Variants in PCCA observed in about 807,000 individuals in gnomAD.
PCCA encodes propionyl-CoA carboxylase alpha chain, mitochondrial.
PCCA carries 74 observed loss-of-function variants against 101.3 expected under a neutral mutation model. That is an observed-to-expected ratio of 0.73 (90% confidence interval 0.61 to 0.89). The LOEUF (loss-of-function observed/expected upper bound fraction) is 0.89. PCCA is among the 40% of genes least tolerant of loss of function. The pLI is 0.00. For synonymous variants in PCCA, 294 were observed against 313.6 expected, an observed-to-expected ratio of 0.94 and a Z score of 0.66; for missense variants, 891 against 907.0, an observed-to-expected ratio of 0.98 and a Z score of 0.23.
intron 21 of PCCA, among the ~76,000 whole-genome samples, chr13:100,501,201 T>C (rs865665): frequency 0.98 from 149,053 of 152,340 alleles, 72,969 homozygotes; most frequent in East Asian, 1. Context: ...ACAAGAGTCA[T>C]ACATACTTTT....
chr13:100,405,051 A>G (rs976391532), intron 19 of PCCA, among the ~76,000 whole-genome samples: 4 of 152,184 alleles, frequency 2.6e-5, no homozygotes. Flanking sequence ...GTGGAATACT[A>G]AGGTGAAACT....
intron 18 of PCCA, among the ~76,000 whole-genome samples, chr13:100,344,831 A>C (rs190412690): frequency 3.9e-5 from 6 of 152,288 alleles, no homozygotes; most frequent in African/African-American, 1.4e-4. Flanking sequence ...TTCCAACAGC[A>C]TGTGTTCACT....
At chr13:100,425,867 TTTTTC>T (rs2079107997) in intron 20 of PCCA, 136 bp downstream of exon 20, 5 of 677,320 alleles carry the variant, frequency 7.4e-6, no homozygotes, top group Non-Finnish European at 1.3e-5. Flanking sequence ...AGTCGAAAAC[TTTTTC>T]TTTTCTTATT....
At chr13:100,137,050 ATT>A (rs969634133) in intron 4 of PCCA, among the ~76,000 whole-genome samples, 1 of 150,506 alleles carries the variant, frequency 6.6e-6, no homozygotes, top group Non-Finnish European at 1.5e-5. Context: ...TGCATCTAAT[ATT>A]TTTTTTTATA....
chr13:100,482,318 G>A (rs1214901953), intron 21 of PCCA, among the ~76,000 whole-genome samples: 1 of 152,196 alleles, frequency 6.6e-6, no homozygotes, highest in African/African-American at 2.4e-5. Context: ...TTGTTGATTG[G>A]AATGACTCAG....
chr13:100,500,729 A>G (rs7324491), intron 21 of PCCA, among the ~76,000 whole-genome samples: 6,716 of 152,306 alleles, frequency 0.044, 494 homozygotes, highest in African/African-American at 0.15. Flanking sequence ...GATCCAATTT[A>G]GGGACAGCAA....
intron 6 of PCCA, among the ~76,000 whole-genome samples, chr13:100,193,965 G>A (rs1466286047): frequency 6.6e-6 from 1 of 152,072 alleles, no homozygotes; most frequent in East Asian, 1.9e-4. Flanking sequence ...CAGCTACTCG[G>A]GAGGCTGAGG....
At chr13:100,444,652 A>T (rs981732883) in intron 20 of PCCA, among the ~76,000 whole-genome samples, 2 of 151,970 alleles carry the variant, frequency 1.3e-5, no homozygotes, top group South Asian at 4.1e-4. Flanking sequence ...CATGTTAGCC[A>T]GGATGGTCTC....
chr13:100,116,774 G>A (rs1411557438), intron 4 of PCCA, among the ~76,000 whole-genome samples: 1 of 152,156 alleles, frequency 6.6e-6, no homozygotes, highest in Non-Finnish European at 1.5e-5. Flanking sequence ...TTGTTTGAAA[G>A]TAAATACATT....
chr13:100,458,448 C>T lies in PCCA; in HGVS notation c.1899+9143C>T, dbSNP rs1299184348. On this transcript the variant is annotated intron_variant, in intron 21 of 23. Transcript: ENST00000376285. ...GCACACACACACACACATACACACA[C>T]ACACACACACACACACACACACACA... Among the ~76,000 whole-genome samples, 5 of 37,476 alleles carry T rather than the reference C, an allele frequency of 1.3e-4. No individual in the cohort carries two copies. In the East Asian group the frequency reaches 6.8e-3, roughly 51 times the overall value. The allele number at this position is 37,476 out of a possible 152,430, so 24.6% of individuals were successfully genotyped here.
chr13:100,436,047 TA>T lies in PCCA; in HGVS notation c.1845+10327del, dbSNP rs58957697. On this transcript the variant is annotated intron_variant, in intron 20 of 23. Transcript: ENST00000376285. ...AACAAGAGCGAAACTCTGTCTCAAA[TA>T]AAAAAAAAAAGAGAGAGAGAGAAAG... Among the ~76,000 whole-genome samples the T allele has an allele frequency of 5.8e-4, 79 of 136,912 alleles. 1 individual carries two copies. Among genetic ancestry groups the T allele is most frequent in the Middle Eastern group, 3.7e-3 (1 of 268 alleles). 89.8% of individuals were successfully genotyped at this position (136,912 alleles called of 152,430 possible).
intron 17 of PCCA, among the ~76,000 whole-genome samples, chr13:100,338,188 T>C (rs1395178925): frequency 6.6e-6 from 1 of 152,210 alleles, no homozygotes; most frequent in Non-Finnish European, 1.5e-5. Flanking sequence ...GTGATTCTGA[T>C]GTTTGGTGAA....
chr13:100,431,652 G>A (rs1273648758), intron 20 of PCCA, among the ~76,000 whole-genome samples: 1 of 146,888 alleles, frequency 6.8e-6, no homozygotes, highest in Non-Finnish European at 1.5e-5. Flanking sequence ...GGATCACGAG[G>A]TCAGGAGATC....
rs139528772 is a variant in PCCA, at chr13:100,300,455, G to A, written c.1066-1005G>A. On this transcript the variant is annotated intron_variant, in intron 12 of 23. Transcript: ENST00000376285. ...GTAGTTGAAGATGGGAAGATAATTC[G>A]TTTGTTCACTGACCTTTTCCTGTGT... 4.2e-3 allele frequency among the ~76,000 whole-genome samples: 633 copies of A among 152,170 alleles called. 4 individuals carry two copies. Among genetic ancestry groups the A allele is most frequent in the Middle Eastern group, 0.014 (4 of 292 alleles).
At chr13:100,374,873 C>G (rs146081208) in intron 19 of PCCA, among the ~76,000 whole-genome samples, 7 of 152,082 alleles carry the variant, frequency 4.6e-5, no homozygotes, top group African/African-American at 1.7e-4. Context: ...TCCTTCAGTT[C>G]GGCTCTGATC....
At chr13:100,169,438 CAA>C (rs10606930) in intron 6 of PCCA, among the ~76,000 whole-genome samples, 42,779 of 133,812 alleles carry the variant, frequency 0.32, 6,992 homozygotes, top group East Asian at 0.71. Context: ...GAGACTGTCT[CAA>C]AAAAAAAAAA....
intron 4 of PCCA, among the ~76,000 whole-genome samples, chr13:100,153,078 A>T (rs1041795810): frequency 2.6e-5 from 4 of 152,208 alleles, no homozygotes; most frequent in Non-Finnish European, 5.9e-5. Flanking sequence ...ATAATGAAAA[A>T]AAAATAATAA....
At chr13:100,515,080 A>C (rs928511534) in intron 21 of PCCA, among the ~76,000 whole-genome samples, 1 of 152,088 alleles carries the variant, frequency 6.6e-6, no homozygotes, top group African/African-American at 2.4e-5. Context: ...AGCTCATGGG[A>C]TTTTCCTTGA....
At chr13:100,347,750 G>A (rs1266344455) in intron 18 of PCCA, among the ~76,000 whole-genome samples, 4 of 152,072 alleles carry the variant, frequency 2.6e-5, no homozygotes, top group Admixed American at 6.5e-5. Context: ...TATGAAATAT[G>A]TAGACTGCAA....
Sources: gnomAD v4.1 joint callset for allele counts (sites outside exome capture counted in the v4.1 genomes callset) on GRCh38, gnomAD v4.1.1 for gene constraint, MANE v1.5 for transcripts, NCBI Gene and HGNC (gene_info 2026-07-23, HGNC 2026-07-21) for gene names.